The following RNF24 variants were observed in gnomAD, a reference collection of about 807,000 sequenced individuals.
RNF24 encodes the protein ring finger protein 24.
A neutral mutation model predicts 20.0 loss-of-function variants in RNF24; 14 were observed. That is an observed-to-expected ratio of 0.70 (90% CI 0.46 to 1.10). The LOEUF is 1.10. Among genes scored for constraint, RNF24 ranks in the 50% least tolerant of loss-of-function variants. The probability of loss-of-function intolerance (pLI) is 0.00; values close to 1 mark genes in which losing one functional copy is unlikely to be tolerated. For synonymous variants in RNF24, 45 were observed against 61.1 expected, an observed-to-expected ratio of 0.74 and a Z score of 1.23; for missense variants, 124 against 177.6, an observed-to-expected ratio of 0.70 and a Z score of 1.71.
Position 3,928,897 on chromosome 20 carries a change from C to CTGGAG in RNF24, c.*5161_*5165dup. 6.6e-6 allele frequency: 1 copy of CTGGAG among 151,350 alleles called. No homozygotes were observed. The highest frequency in any genetic ancestry group is 2.0e-4 in the East Asian group (1 of 5,088). 9.4% of individuals were successfully genotyped at this position (151,350 alleles called of 1,614,324 possible). A position where few individuals can be genotyped will look rare whatever the true frequency, so the allele number is the denominator to read the frequency against. ...ACGGAGTCTCGCTCTGTTGCCCAGG[C>CTGGAG]TGGAGTGCAGTGGGGATCTTGGCTC... On this transcript the variant is annotated 3_prime_UTR_variant, in exon 6 of 6. Coordinates refer to ENST00000358395, the MANE Select transcript of RNF24 (RefSeq NM_001134337.3).
intron 1 of RNF24, among the ~76,000 whole-genome samples, chr20:3,979,162 G>A (rs578149940): frequency 2.7e-5 from 4 of 150,552 alleles, no homozygotes; most frequent in East Asian, 1.9e-4. Flanking sequence ...CTGTGTGTGC[G>A]TGTGTGTGTA....
At chr20:3,967,263 A>T (rs2091268012) in intron 1 of RNF24, among the ~76,000 whole-genome samples, 3 of 152,214 alleles carry the variant, frequency 2.0e-5, no homozygotes, top group Non-Finnish European at 2.9e-5. Context: ...GTTATTTAGT[A>T]ATTGCTCCTT....
Position 3,928,647 on chromosome 20 carries a change from C to T in RNF24, c.*5416G>A, listed in dbSNP as rs2090764929. On this transcript the variant is annotated 3_prime_UTR_variant, in exon 6 of 6. Transcript: ENST00000358395. Reference sequence around the variant, plus strand: ...TGGCGGGCACCTGTTGTCCCAGCTCCCGAGGCGGGAGAATGGCGTGAACCT... The same window carrying T: ...TGGCGGGCACCTGTTGTCCCAGCTCTCGAGGCGGGAGAATGGCGTGAACCT... 6.8e-6 allele frequency: 1 copy of T among 146,540 alleles called. No individual in the cohort carries two copies. The highest frequency in any genetic ancestry group is 1.5e-5 in the Non-Finnish European group (1 of 66,814). The allele number at this position is 146,540 out of a possible 1,614,324, so 9.1% of individuals were successfully genotyped here. A position where few individuals can be genotyped will look rare whatever the true frequency, so the allele number is the denominator to read the frequency against.
chr20:3,935,611 A>G (rs2090881199), intron 4 of RNF24, among the ~76,000 whole-genome samples: 1 of 152,214 alleles, frequency 6.6e-6, no homozygotes, highest in African/African-American at 2.4e-5. Flanking sequence ...CTGTCATATA[A>G]AAAGTTACTG....
At chr20:3,973,235 C>T (rs1328194175) in intron 1 of RNF24, among the ~76,000 whole-genome samples, 1 of 151,490 alleles carries the variant, frequency 6.6e-6, no homozygotes, top group Non-Finnish European at 1.5e-5. Flanking sequence ...GAAAATACAA[C>T]ATATCAAAAT....
chr20:3,930,940 C>T lies in RNF24; in HGVS notation c.*3123G>A, dbSNP rs1019538219. On this transcript the variant is annotated 3_prime_UTR_variant, in exon 6 of 6. Transcript: ENST00000358395. ...GCCATTTCTGTCCTGCCTTCCCTGG[C>T]TAGGCAAGCATAGGCTTCAAGGACC... is the stretch of plus-strand genomic sequence containing the variant. 6.6e-6 allele frequency: 1 copy of T among 152,224 alleles called. No homozygotes were observed. The highest frequency in any genetic ancestry group is 1.5e-5 in the Non-Finnish European group (1 of 68,056). 9.4% of individuals were successfully genotyped at this position (152,224 alleles called of 1,614,324 possible). A position where few individuals can be genotyped will look rare whatever the true frequency, so the allele number is the denominator to read the frequency against.
chr20:3,937,833 C>CA (rs1427698220), intron 4 of RNF24, among the ~76,000 whole-genome samples: 1 of 152,098 alleles, frequency 6.6e-6, no homozygotes, highest in African/African-American at 2.4e-5. Flanking sequence ...TATGTATGTA[C>CA]CGCATTTTGT....
At chr20:4,014,082 T>C (rs998107712) in intron 1 of RNF24, among the ~76,000 whole-genome samples, 4 of 152,208 alleles carry the variant, frequency 2.6e-5, no homozygotes, top group Admixed American at 2.6e-4. Context: ...CCTACAGCGC[T>C]TCCTTCTCTC....
At chr20:3,974,444 C>T in intron 1 of RNF24, 2 of 1,475,644 alleles carry the variant, frequency 1.4e-6, no homozygotes, top group Non-Finnish European at 1.8e-6. Flanking sequence ...AAGGCATACA[C>T]ATCAGAAAGG....
chr20:3,982,755 G>A (rs1422001445), intron 1 of RNF24, among the ~76,000 whole-genome samples: 1 of 151,934 alleles, frequency 6.6e-6, no homozygotes, highest in Non-Finnish European at 1.5e-5. Context: ...CAGGTGTGGC[G>A]ACACATGCCT....
intron 1 of RNF24, among the ~76,000 whole-genome samples, chr20:3,980,060 TA>T (rs896544924): frequency 6.6e-6 from 1 of 152,122 alleles, no homozygotes; most frequent in Non-Finnish European, 1.5e-5. Flanking sequence ...ATGAGACAGA[TA>T]AAAAAATTCT....
intron 1 of RNF24, among the ~76,000 whole-genome samples, chr20:4,012,854 G>A (rs1027500824): frequency 2.0e-5 from 3 of 152,148 alleles, no homozygotes; most frequent in African/African-American, 7.2e-5. Context: ...TTATTTCAGT[G>A]ATAATTCCGG....
intron 1 of RNF24, among the ~76,000 whole-genome samples, chr20:3,983,209 G>A (rs1979575241): frequency 6.6e-6 from 1 of 152,042 alleles, no homozygotes; most frequent in South Asian, 2.1e-4. Context: ...ATGGACTAAG[G>A]GAGGTCTTTA....
At chr20:4,008,427 AAT>A (rs1462421355) in intron 1 of RNF24, among the ~76,000 whole-genome samples, 1 of 15,676 alleles carries the variant, frequency 6.4e-5, no homozygotes, top group African/African-American at 1.6e-4. Context: ...TATTATATAT[AAT>A]ATATAATATG....
chr20:3,945,095 A>G (rs981932186), intron 4 of RNF24, 82 bp downstream of exon 4: 2 of 1,526,508 alleles, frequency 1.3e-6, no homozygotes, highest in East Asian at 2.4e-5. Flanking sequence ...TCAACTACTG[A>G]GAATAAAAGT....
intron 1 of RNF24, among the ~76,000 whole-genome samples, chr20:3,969,502 A>T (rs1220674609): frequency 1.3e-5 from 2 of 149,354 alleles, no homozygotes; most frequent in Non-Finnish European, 3.0e-5. Flanking sequence ...TCAACAGGTG[A>T]AGACAAAAAA....
chr20:4,008,349 GTAATATGTATAATATATATATTATATATA>G lies in RNF24; in HGVS notation c.-8+7059_-8+7087del, dbSNP rs1568672179. On this transcript the variant is annotated intron_variant, in intron 1 of 5. Transcript: ENST00000358395. ...TATATATAATATATATATTATACAT[GTAATATGTATAATATATATATTATATATA>G]TAATATATATATTATATATGTAATA... Among the ~76,000 whole-genome samples the G allele has an allele frequency of 6.3e-5, 3 of 47,606 alleles. No individual in the cohort carries two copies. In the East Asian group the frequency reaches 1.1e-3, roughly 17 times the overall value. 31.2% of individuals were successfully genotyped at this position (47,606 alleles called of 152,430 possible).
At chr20:3,981,509 TTTC>T (rs1979376680) in intron 1 of RNF24, among the ~76,000 whole-genome samples, 1 of 151,502 alleles carries the variant, frequency 6.6e-6, no homozygotes, top group South Asian at 2.1e-4. Context: ...AGTCACTTTT[TTTC>T]TTTTTTTTTT....
chr20:3,999,011 T>TGGG (rs1981160747), intron 1 of RNF24, among the ~76,000 whole-genome samples: 1 of 150,722 alleles, frequency 6.6e-6, no homozygotes, highest in East Asian at 2.0e-4. Flanking sequence ...ACCCGCAAGG[T>TGGG]GGGGGTTGCA....
Sources: gnomAD v4.1 joint callset for allele counts (sites outside exome capture counted in the v4.1 genomes callset) on GRCh38, gnomAD v4.1.1 for gene constraint, MANE v1.5 for transcripts, NCBI Gene and HGNC (gene_info 2026-07-23, HGNC 2026-07-21) for gene names.